The following CCDC93 variants were observed in gnomAD, a reference collection of about 807,000 sequenced individuals.
CCDC93 encodes coiled-coil domain-containing protein 93.
In CCDC93, 61 loss-of-function variants were observed where a neutral mutation model predicts 108.2. That is an observed-to-expected ratio of 0.56 (90% confidence interval 0.46 to 0.70). CCDC93 has a LOEUF of 0.70. Among genes scored for constraint, CCDC93 ranks in the 30% least tolerant of loss-of-function variants. CCDC93 has a pLI of 0.00. For synonymous variants in CCDC93, 276 were observed against 260.4 expected (o/e 1.06, Z -0.58); for missense variants, 685 against 764.2 (o/e 0.90, Z 1.22).
chr2:117,934,063 G>A (rs2104718954), intron 22 of CCDC93: 1 of 152,362 alleles, frequency 6.6e-6, no homozygotes, highest in East Asian at 1.9e-4. Context: ...CGGGGAGAGT[G>A]AAGAGAGTGA....
intron 7 of CCDC93, among the ~76,000 whole-genome samples, chr2:117,982,211 T>C (rs1161689683): frequency 6.6e-6 from 1 of 152,026 alleles, no homozygotes; most frequent in East Asian, 2.0e-4. Flanking sequence ...AACTCCAGCA[T>C]TCTGGTGGCT....
intron 12 of CCDC93, among the ~76,000 whole-genome samples, chr2:117,955,520 C>T (rs1279659578): frequency 1.3e-5 from 2 of 152,150 alleles, no homozygotes; most frequent in African/African-American, 2.4e-5. Flanking sequence ...TACATATATA[C>T]TATGTCACAC....
intron 12 of CCDC93, among the ~76,000 whole-genome samples, chr2:117,957,223 A>C (rs539532031): frequency 6.6e-6 from 1 of 152,116 alleles, no homozygotes; most frequent in African/African-American, 2.4e-5. Context: ...TTCTACGTGT[A>C]TTCTTCTAAT....
At chr2:117,992,554 T>C (rs558242421) in intron 6 of CCDC93, among the ~76,000 whole-genome samples, 1 of 152,290 alleles carries the variant, frequency 6.6e-6, no homozygotes. Context: ...CGTTTTCCTT[T>C]ATTCTGATAC....
intron 1 of CCDC93, among the ~76,000 whole-genome samples, chr2:118,012,142 C>T (rs565544928): frequency 2.0e-5 from 3 of 152,278 alleles, no homozygotes; most frequent in East Asian, 3.9e-4. Flanking sequence ...AGGGCAGTGG[C>T]TCACATCTGC....
At chr2:117,989,416 C>A (rs1008959811) in intron 6 of CCDC93, among the ~76,000 whole-genome samples, 1 of 152,170 alleles carries the variant, frequency 6.6e-6, no homozygotes, top group Non-Finnish European at 1.5e-5. Context: ...ACCCTGCAAG[C>A]AAACCTGTCA....
At chr2:117,969,728 T>C (rs777655510) in intron 11 of CCDC93, among the ~76,000 whole-genome samples, 2 of 151,766 alleles carry the variant, frequency 1.3e-5, no homozygotes, top group Non-Finnish European at 2.9e-5. Context: ...GACGAAAACA[T>C]AAACATTGTC....
At chr2:117,947,605 T>C (rs1337192467) in intron 15 of CCDC93, among the ~76,000 whole-genome samples, 2 of 152,186 alleles carry the variant, frequency 1.3e-5, no homozygotes, top group Admixed American at 1.3e-4. Flanking sequence ...TTAGGTGACA[T>C]TGTTTGTTTT....
chr2:118,000,997 G>T, intron 3 of CCDC93, 65 bp from the exon 4 acceptor site: 2 of 963,152 alleles, frequency 2.1e-6, no homozygotes, highest in Non-Finnish European at 3.4e-6. Context: ...CATCTCTAAA[G>T]TCTGGGCAGC....
At chr2:117,927,929 A>G (rs1183238953) in intron 23 of CCDC93, among the ~76,000 whole-genome samples, 1 of 152,216 alleles carries the variant, frequency 6.6e-6, no homozygotes, top group African/African-American at 2.4e-5. Context: ...CCAATGGAAC[A>G]GAACAGAGCC....
chr2:117,975,366 G>T, intron 8 of CCDC93, 86 bp from the exon 9 acceptor site: 3 of 1,003,092 alleles, frequency 3.0e-6, no homozygotes, highest in Non-Finnish European at 4.6e-6. Flanking sequence ...GCATGAGTCT[G>T]TGAAAAAAAC....
At chr2:117,996,233 T>C (rs749946175) in intron 5 of CCDC93, 31 bp downstream of exon 5, 1 of 1,442,340 alleles carries the variant, frequency 6.9e-7, no homozygotes, top group South Asian at 1.1e-5. Context: ...TGTTTCTCAG[T>C]GGGACAAGAA....
intron 4 of CCDC93, chr2:117,997,396 C>T (rs1024081622): frequency 5.9e-5 from 9 of 152,182 alleles, no homozygotes; most frequent in Admixed American, 5.9e-4. Context: ...CACTCCCTCT[C>T]CAGAGAAAGC....
chr2:118,009,562 C>T (rs10177940), intron 1 of CCDC93, among the ~76,000 whole-genome samples: 39,629 of 151,910 alleles, frequency 0.26, 5,621 homozygotes, highest in African/African-American at 0.36. Flanking sequence ...ACTCCAGCTA[C>T]TTGGGAGGCT....
intron 7 of CCDC93, among the ~76,000 whole-genome samples, chr2:117,979,976 G>A (rs1680064486): frequency 6.6e-6 from 1 of 152,212 alleles, no homozygotes; most frequent in East Asian, 1.9e-4. Flanking sequence ...TTGTGTTGGT[G>A]TGGATCACAG....
chr2:117,935,552 G>C lies in CCDC93; in HGVS notation c.1671C>G (p.Asp557Glu), dbSNP rs755684889. Reference sequence around the variant, plus strand: ...TCTGTTCCATCTGACGTAAAAACTGGTCCCGGGCAGCAGGGGAGGCCATGG... The same window carrying C: ...TCTGTTCCATCTGACGTAAAAACTGCTCCCGGGCAGCAGGGGAGGCCATGG... ...SQAMASPAAR[D>E]QFLRQMEQIV... The change falls in exon 22 of 24, where the codon GAC becomes GAG. Residue 557 changes from aspartate (D) to glutamate (E), a missense_variant. Coordinates refer to ENST00000376300, the MANE Select transcript of CCDC93 (RefSeq NM_019044.5). 15 of 1,613,750 alleles carry C rather than the reference G, an allele frequency of 9.3e-6. No homozygotes were observed. Among genetic ancestry groups the C allele is most frequent in the Admixed American group, 1.7e-5 (1 of 59,990 alleles).
chr2:117,986,139 T>C, intron 6 of CCDC93, 70 bp from the exon 7 acceptor site: 2 of 685,952 alleles, frequency 2.9e-6, no homozygotes, highest in South Asian at 3.2e-5. Flanking sequence ...GCTGGATGCC[T>C]CCAGCCATGG....
chr2:117,932,831 C>G (rs72834381), intron 22 of CCDC93, among the ~76,000 whole-genome samples: 1,931 of 152,346 alleles, frequency 0.013, 16 homozygotes, highest in Non-Finnish European at 0.023. Flanking sequence ...ACTCTCAAAG[C>G]AGCAGACATC....
intron 17 of CCDC93, 54 bp from the exon 18 acceptor site, chr2:117,944,140 A>G: frequency 3.1e-6 from 4 of 1,277,362 alleles, no homozygotes; most frequent in Middle Eastern, 1.9e-4. Context: ...TTCACTCTTT[A>G]ATGGAGTCTT....
Sources: allele counts gnomAD v4.1 joint callset (sites outside exome capture counted in the v4.1 genomes callset), GRCh38; gene constraint gnomAD v4.1.1; transcripts MANE v1.5; gene names NCBI Gene and HGNC (gene_info 2026-07-23, HGNC 2026-07-21).